The following PRIM2 variants were observed in gnomAD, a reference collection of about 807,000 sequenced individuals.
The protein encoded by PRIM2 is DNA primase subunit 2.
A neutral mutation model predicts 67.3 loss-of-function variants in PRIM2; 39 were observed. The observed-to-expected ratio is 0.58, with a 90% CI of 0.45 to 0.76. PRIM2 has a LOEUF of 0.76. Among genes scored for constraint, PRIM2 ranks in the 30% least tolerant of loss-of-function variants. The probability of loss-of-function intolerance (pLI) is 0.00; values close to 1 mark genes in which losing one functional copy is unlikely to be tolerated. For missense variants in PRIM2, 398 were observed against 598.7 expected (o/e 0.66, Z 3.50); for synonymous variants, 143 against 198.7 (o/e 0.72, Z 2.36).
At chr6:57,615,583 G>GTTTCA (rs1776741834) in intron 12 of PRIM2, among the ~76,000 whole-genome samples, 1 of 152,102 alleles carries the variant, frequency 6.6e-6, no homozygotes, top group African/African-American at 2.4e-5. Flanking sequence ...TTATAATGGT[G>GTTTCA]TGCTATGTCC....
At chr6:57,333,571 A>T (rs1276119506) in intron 5 of PRIM2, among the ~76,000 whole-genome samples, 1 of 151,944 alleles carries the variant, frequency 6.6e-6, no homozygotes, top group East Asian at 1.9e-4. Context: ...ATTTCTTTTT[A>T]TTATTGCTTT....
chr6:57,311,034 C>T (rs1293153403), upstream of PRIM2, among the ~76,000 whole-genome samples: 1 of 147,474 alleles, frequency 6.8e-6, no homozygotes, highest in East Asian at 2.1e-4. Flanking sequence ...GGCAGAGACA[C>T]CCGTCACCTC....
intron 8 of PRIM2, among the ~76,000 whole-genome samples, chr6:57,527,294 G>T (rs1774776770): frequency 6.6e-6 from 1 of 152,146 alleles, no homozygotes. Flanking sequence ...CAGTTTTATT[G>T]TTTAGGCTAA....
At chr6:57,439,259 T>C (rs1772115404) in intron 7 of PRIM2, among the ~76,000 whole-genome samples, 1 of 152,164 alleles carries the variant, frequency 6.6e-6, no homozygotes, top group African/African-American at 2.4e-5. Flanking sequence ...GCATTTTACC[T>C]TTTTTATTTA....
intron 7 of PRIM2, among the ~76,000 whole-genome samples, chr6:57,442,287 A>T (rs1772224620): frequency 6.6e-6 from 1 of 152,082 alleles, no homozygotes; most frequent in African/African-American, 2.4e-5. Flanking sequence ...ACTGTGATCT[A>T]GTTAGTTAAC....
At chr6:57,638,734 A>G (rs2127500993) in intron 13 of PRIM2, among the ~76,000 whole-genome samples, 1 of 152,294 alleles carries the variant, frequency 6.6e-6, no homozygotes, top group African/African-American at 2.4e-5. Context: ...ATATACACCC[A>G]ATACAGGAGT....
At chr6:57,271,439 A>T in the PRIM2 span, among the ~76,000 whole-genome samples, 1 of 152,120 alleles carries the variant, frequency 6.6e-6, no homozygotes, top group Non-Finnish European at 1.5e-5. Context: ...GTATTCTCTG[A>T]TGGTAGTTTG....
At chr6:57,418,014 T>C (rs1484697903) in intron 7 of PRIM2, among the ~76,000 whole-genome samples, 1 of 152,198 alleles carries the variant, frequency 6.6e-6, no homozygotes, top group Non-Finnish European at 1.5e-5. Flanking sequence ...TATATCCTAA[T>C]TGCAAATATG....
chr6:57,367,044 A>G (rs917527884), intron 5 of PRIM2, among the ~76,000 whole-genome samples: 1 of 152,132 alleles, frequency 6.6e-6, no homozygotes, highest in Non-Finnish European at 1.5e-5. Flanking sequence ...TGCCTATGCT[A>G]TTAAAAAAAC....
the PRIM2 span, among the ~76,000 whole-genome samples, chr6:57,256,714 T>TCTCACACACACACA: frequency 7.4e-6 from 1 of 134,484 alleles, no homozygotes; most frequent in East Asian, 2.0e-4. Context: ...TCTCTCACTT[T>TCTCACACACACACA]CACACACACA....
chr6:57,537,435 T>C lies in PRIM2; in HGVS notation c.835-5T>C. On this transcript the variant is annotated splice_polypyrimidine_tract_variant and splice_region_variant and intron_variant, in intron 9 of 13. Coordinates refer to ENST00000615550, the MANE Select transcript of PRIM2 (RefSeq NM_000947.5). ...ACTTAAAACTCTACTATTTTTTTCT[T>C]GTAGCTTTCTACCAAATCCTTCCCA... 1 of 1,367,220 alleles carries C rather than the reference T, an allele frequency of 7.3e-7. No individual in the cohort carries two copies. The highest frequency in any genetic ancestry group is 1.0e-6 in the Non-Finnish European group (1 of 994,318). The allele number at this position is 1,367,220 out of a possible 1,614,324, so 84.7% of individuals were successfully genotyped here.
At chr6:57,640,134 C>T (rs1157780015) in intron 13 of PRIM2, among the ~76,000 whole-genome samples, 6 of 152,142 alleles carry the variant, frequency 3.9e-5, no homozygotes, top group African/African-American at 1.4e-4. Context: ...ATGACAAAAA[C>T]CACATGATTA....
At chr6:57,573,561 A>G (rs1775901322) in intron 10 of PRIM2, among the ~76,000 whole-genome samples, 1 of 152,176 alleles carries the variant, frequency 6.6e-6, no homozygotes, top group African/African-American at 2.4e-5. Flanking sequence ...AAAGAGAACT[A>G]TGGAAATTGT....
intron 7 of PRIM2, among the ~76,000 whole-genome samples, chr6:57,417,626 T>C (rs1290257624): frequency 2.6e-5 from 4 of 152,198 alleles, no homozygotes; most frequent in African/African-American, 9.7e-5. Context: ...GCTCATCTTA[T>C]AGGGGCATAG....
chr6:57,609,382 T>C (rs2127493798), intron 12 of PRIM2, among the ~76,000 whole-genome samples: 1 of 152,232 alleles, frequency 6.6e-6, no homozygotes, highest in African/African-American at 2.4e-5. Flanking sequence ...AGTAAGGTCA[T>C]CAGCTGGAGA....
At chr6:57,502,699 C>G (rs1470430397) in intron 7 of PRIM2, among the ~76,000 whole-genome samples, 3 of 152,180 alleles carry the variant, frequency 2.0e-5, no homozygotes, top group Non-Finnish European at 4.4e-5. Context: ...GGCTACACTT[C>G]CTAGTCTATC....
intron 7 of PRIM2, among the ~76,000 whole-genome samples, chr6:57,467,430 G>A (rs1406942956): frequency 6.6e-6 from 1 of 152,152 alleles, no homozygotes; most frequent in African/African-American, 2.4e-5. Flanking sequence ...AAGCTGAGAT[G>A]TTTATAGATG....
chr6:57,533,422 A>C (rs1214736301), intron 9 of PRIM2, among the ~76,000 whole-genome samples: 1 of 152,230 alleles, frequency 6.6e-6, no homozygotes. Context: ...TAGAGAAAGA[A>C]CGTGAGTTTG....
intron 7 of PRIM2, among the ~76,000 whole-genome samples, chr6:57,489,251 GT>G (rs1454658505): frequency 2.0e-5 from 3 of 152,248 alleles, no homozygotes; most frequent in Non-Finnish European, 4.4e-5. Flanking sequence ...TATGTGTGGT[GT>G]TTTAAAAGTG....
Sources: gnomAD v4.1 joint callset for allele counts (sites outside exome capture counted in the v4.1 genomes callset) on GRCh38, gnomAD v4.1.1 for gene constraint, MANE v1.5 for transcripts, NCBI Gene and HGNC (gene_info 2026-07-23, HGNC 2026-07-21) for gene names.